The following RAB26 variants were observed in gnomAD, a reference collection of about 807,000 sequenced individuals.
RAB26 encodes ras-related protein Rab-26.
A neutral mutation model predicts 33.1 loss-of-function variants in RAB26; 39 were observed. The observed-to-expected ratio is 1.18, with a 90% CI of 0.91 to 1.54. The LOEUF (loss-of-function observed/expected upper bound fraction) is 1.54. RAB26 is among the 40% of genes most tolerant of loss of function. RAB26 has a pLI of 0.00. For missense variants in RAB26, 468 were observed against 362.9 expected (o/e 1.29, Z -2.35); for synonymous variants, 192 against 151.9 (o/e 1.26, Z -1.94).
chr16:2,148,682 CAG>C lies in RAB26; in HGVS notation c.-101_-100del, dbSNP rs1596655501. 9.1e-7 allele frequency: 1 copy of C among 1,095,410 alleles called. No individual in the cohort carries two copies. Among genetic ancestry groups the C allele is most frequent in the Non-Finnish European group, 1.1e-6 (1 of 879,482 alleles). The allele number at this position is 1,095,410 out of a possible 1,614,324, so 67.9% of individuals were successfully genotyped here. On this transcript the variant is annotated 5_prime_UTR_variant, in exon 1 of 9. An upstream open reading frame in the 5' UTR loses its in-frame stop. Coordinates refer to ENST00000210187, the MANE Select transcript of RAB26 (RefSeq NM_014353.5). ...CCGCCGCCGCCGCCGCCGCCGCCGC[CAG>C]GGGAAGGGTTCGGGTCCGGGTCGGG... is the stretch of plus-strand genomic sequence containing the variant.
chr16:2,150,820 G>A (rs1442900762), intron 2 of RAB26, among the ~76,000 whole-genome samples: 1 of 152,226 alleles, frequency 6.6e-6, no homozygotes, highest in East Asian at 1.9e-4. Context: ...CAGCCCAGCA[G>A]ATGGCCCTGC....
At position 2,149,976 on chromosome 16, in the gene RAB26, C is replaced by G; in HGVS notation, c.231C>G (p.Thr77=). 3 of 1,542,268 alleles carry G rather than the reference C, an allele frequency of 1.9e-6. No individual in the cohort carries two copies. The highest frequency in any genetic ancestry group is 2.6e-6 in the Non-Finnish European group (3 of 1,142,700). Residue 77 remains threonine (T), a synonymous_variant, in exon 2 of 9, where the codon ACC becomes ACG. Coordinates refer to ENST00000210187, the MANE Select transcript of RAB26 (RefSeq NM_014353.5). ...MLVGDSGVGK[T]CLLVRFKDGA... is the part of the protein sequence containing the mutation. ...TGGGGGACTCGGGTGTGGGGAAGAC[C>G]TGTCTGCTGGTGCGATTCAAGGATG...
chr16:2,152,207 C>A (rs769290196), intron 5 of RAB26, among the ~76,000 whole-genome samples: 1 of 152,096 alleles, frequency 6.6e-6, no homozygotes, highest in Non-Finnish European at 1.5e-5. Flanking sequence ...GTCAGGAGTT[C>A]GAGACCAGCC....
chr16:2,149,966 T>TG lies in RAB26; in HGVS notation c.225dup (p.Lys76GlufsTer25). On this transcript the variant is annotated frameshift_variant, in exon 2 of 9. Coordinates refer to ENST00000210187, the MANE Select transcript of RAB26 (RefSeq NM_014353.5). LOFTEE classifies it high-confidence loss of function. ...GTCATGCTGGTGGGGGACTCGGGTG[T>TG]GGGGAAGACCTGTCTGCTGGTGCGA... is the stretch of plus-strand genomic sequence containing the variant. 2 of 1,539,588 alleles carry TG rather than the reference T, an allele frequency of 1.3e-6. No individual in the cohort carries two copies. Among genetic ancestry groups the TG allele is most frequent in the Non-Finnish European group, 1.8e-6 (2 of 1,141,358 alleles).
At chr16:2,150,696 T>A (rs1396078104) in intron 2 of RAB26, among the ~76,000 whole-genome samples, 1 of 151,524 alleles carries the variant, frequency 6.6e-6, no homozygotes, top group East Asian at 1.9e-4. Flanking sequence ...GGCAGGCCAG[T>A]CCTGTCTGGT....
chr16:2,152,344 C>G (rs943875118), intron 5 of RAB26, among the ~76,000 whole-genome samples: 1 of 152,170 alleles, frequency 6.6e-6, no homozygotes, highest in African/African-American at 2.4e-5. Flanking sequence ...TGCTACGGCA[C>G]TCCAGCCTGG....
rs1469820998 is a variant in RAB26 at position 2,153,823 on chromosome 16, C to T, written c.*402C>T. On this transcript the variant is annotated 3_prime_UTR_variant, in exon 9 of 9. Transcript: ENST00000210187. ...GCAGCTAAGGGAGGACGCCTGCCCA[C>T]GCCTGGGACAGAAGGCTTCACTGCT... 1.7e-5 allele frequency: 8 copies of T among 464,784 alleles called. No homozygotes were observed. In the Middle Eastern group the frequency reaches 9.6e-4, roughly 56 times the overall value. The allele number at this position is 464,784 out of a possible 1,614,324, so 28.8% of individuals were successfully genotyped here.
At chr16:2,149,257 C>T (rs1276628024) in intron 1 of RAB26, among the ~76,000 whole-genome samples, 1 of 151,862 alleles carries the variant, frequency 6.6e-6, no homozygotes, top group Non-Finnish European at 1.5e-5. Flanking sequence ...CCCGGGGTCT[C>T]ACCATTTCCC....
Position 2,153,370 on chromosome 16 carries a change from G to A in RAB26, c.720G>A (p.Leu240=), listed in dbSNP as rs756990983. Residue 240 remains leucine (L), a synonymous_variant, in exon 9 of 9, where the codon CTG becomes CTA. Coordinates refer to ENST00000210187, the MANE Select transcript of RAB26 (RefSeq NM_014353.5). The part of the protein sequence containing the change: ...MKAPSEPRFR[L]HDYVKREGRG... ...CTCCCAGCGAGCCGCGCTTCCGGCT[G>A]CATGATTACGTTAAGAGGGAGGGTC... is the stretch of plus-strand genomic sequence containing the variant. 1.9e-6 allele frequency: 3 copies of A among 1,613,546 alleles called. No individual in the cohort carries two copies. Among genetic ancestry groups the A allele is most frequent in the South Asian group, 2.2e-5 (2 of 91,086 alleles).
At chr16:2,152,214 A>G (rs982687478) in intron 5 of RAB26, among the ~76,000 whole-genome samples, 22 of 152,256 alleles carry the variant, frequency 1.4e-4, no homozygotes, top group Admixed American at 5.9e-4. Context: ...GTTCGAGACC[A>G]GCCTGGCCAA....
chr16:2,148,884 C>T lies in RAB26; in HGVS notation c.101C>T (p.Ala34Val), dbSNP rs2092995251. 1 of 1,367,294 alleles carries T rather than the reference C, an allele frequency of 7.3e-7. No individual in the cohort carries two copies. The highest frequency in any genetic ancestry group is 1.5e-5 in the African/African-American group (1 of 66,154). 84.7% of individuals were successfully genotyped at this position (1,367,294 alleles called of 1,614,324 possible). A position where few individuals can be genotyped will look rare whatever the true frequency, so the allele number is the denominator to read the frequency against. The change falls in exon 1 of 9, where the codon GCG becomes GTG. Residue 34 changes from alanine (A) to valine (V), a missense_variant. By Grantham distance (64) the Ala-to-Val change is moderately conservative. Transcript: ENST00000210187. The part of the protein sequence containing the change: ...NGARPARSGT[A>V]LSGPDAPPNG... ...GCCCGACCGGCGCGCTCCGGGACTG[C>T]GCTTTCCGGCCCCGACGCGCCGCCC...
chr16:2,151,335 CAT>C, intron 2 of RAB26: 1 of 624,704 alleles, frequency 1.6e-6, no homozygotes, highest in Admixed American at 2.5e-5. Flanking sequence ...CTGGTGGGGT[CAT>C]GAGTTCAAAT....
chr16:2,152,331 CTG>C (rs2093007780), intron 5 of RAB26, among the ~76,000 whole-genome samples: 1 of 152,162 alleles, frequency 6.6e-6, no homozygotes, highest in Admixed American at 6.5e-5. Flanking sequence ...TGAGCCAAGA[CTG>C]TGCTACGGCA....
chr16:2,152,696 A>AT (rs2093009513), intron 5 of RAB26, 124 bp from the exon 6 acceptor site: 5 of 443,424 alleles, frequency 1.1e-5, no homozygotes, highest in Non-Finnish European at 1.7e-5. Flanking sequence ...CTTGTCTCAA[A>AT]AAAAAAAAAA....
Position 2,153,845 on chromosome 16 carries a change from T to C in RAB26, c.*424T>C. The C allele has an allele frequency of 2.2e-6, 1 of 460,416 alleles. No individual in the cohort carries two copies. The highest frequency in any genetic ancestry group is 4.3e-6 in the Non-Finnish European group (1 of 229,924). 28.5% of individuals were successfully genotyped at this position (460,416 alleles called of 1,614,324 possible). A position where few individuals can be genotyped will look rare whatever the true frequency, so the allele number is the denominator to read the frequency against. ...CCACGCCTGGGACAGAAGGCTTCAC[T>C]GCTAATCACATCGTGCATCTGTGTG... is the stretch of plus-strand genomic sequence containing the variant. On this transcript the variant is annotated 3_prime_UTR_variant, in exon 9 of 9. Coordinates refer to ENST00000210187, the MANE Select transcript of RAB26 (RefSeq NM_014353.5).
intron 2 of RAB26, chr16:2,151,311 TGTCA>T (rs2141251856): frequency 1.6e-6 from 1 of 606,854 alleles, no homozygotes; most frequent in East Asian, 2.9e-5. Flanking sequence ...ACCGAGGCAG[TGTCA>T]GTAAGAGGCC....
intron 2 of RAB26, chr16:2,151,338 G>A: frequency 1.6e-6 from 1 of 627,386 alleles, no homozygotes; most frequent in Non-Finnish European, 2.9e-6. Context: ...GTGGGGTCAT[G>A]AGTTCAAATA....
At chr16:2,149,103 C>A in intron 1 of RAB26, 125 bp downstream of exon 1, 1 of 985,196 alleles carries the variant, frequency 1.0e-6, no homozygotes. Context: ...GCGGGAGGAA[C>A]CCCGTGGGGC....
intron 2 of RAB26, chr16:2,151,280 C>A: frequency 1.7e-6 from 1 of 577,120 alleles, no homozygotes; most frequent in Non-Finnish European, 3.2e-6. Context: ...TTAGTTACTG[C>A]ACCCATTTGC....
Sources: gnomAD v4.1 joint callset for allele counts (sites outside exome capture counted in the v4.1 genomes callset) on GRCh38, gnomAD v4.1.1 for gene constraint, MANE v1.5 for transcripts, NCBI Gene and HGNC (gene_info 2026-07-23, HGNC 2026-07-21) for gene names.